Variants in CHRM3 observed in about 807,000 individuals in gnomAD.
The protein encoded by CHRM3 is cholinergic receptor muscarinic 3, also known as muscarinic acetylcholine receptor M3.
CHRM3 carries 11 observed loss-of-function variants against 41.8 expected under a neutral mutation model. The observed-to-expected ratio is 0.26, with a 90% CI of 0.17 to 0.44. The LOEUF (loss-of-function observed/expected upper bound fraction) is 0.44. Among genes scored for constraint, CHRM3 ranks in the 20% least tolerant of loss-of-function variants. The pLI, the probability that CHRM3 is intolerant of heterozygous loss-of-function variation, is 1.00. For missense variants in CHRM3, 571 were observed against 745.4 expected, an observed-to-expected ratio of 0.77 and a Z score of 2.72; for synonymous variants, 297 against 301.4, an observed-to-expected ratio of 0.99 and a Z score of 0.15.
intron 6 of CHRM3, among the ~76,000 whole-genome samples, chr1:239,887,217 G>A (rs1471306237): frequency 6.6e-6 from 1 of 151,538 alleles, no homozygotes; most frequent in African/African-American, 2.4e-5. Flanking sequence ...TTTTTGGCGG[G>A]GGTATACAGA....
intron 3 of CHRM3, among the ~76,000 whole-genome samples, chr1:239,571,517 C>G (rs1342132421): frequency 2.0e-5 from 3 of 152,120 alleles, no homozygotes; most frequent in African/African-American, 7.2e-5. Flanking sequence ...TCCCTTATAC[C>G]TCTGGGACCC....
chr1:239,432,036 A>T (rs146256601), intron 1 of CHRM3, among the ~76,000 whole-genome samples: 1 of 152,142 alleles, frequency 6.6e-6, no homozygotes, highest in African/African-American at 2.4e-5. Context: ...CCATCTTCTC[A>T]TCCCGGAAGG....
intron 4 of CHRM3, among the ~76,000 whole-genome samples, chr1:239,659,537 A>T (rs1202336194): frequency 6.6e-6 from 1 of 152,228 alleles, no homozygotes; most frequent in African/African-American, 2.4e-5. Flanking sequence ...CTGTCCAAGT[A>T]GCCACCAAGT....
intron 5 of CHRM3, among the ~76,000 whole-genome samples, chr1:239,763,279 A>G (rs1465092853): frequency 6.6e-6 from 1 of 152,222 alleles, no homozygotes; most frequent in African/African-American, 2.4e-5. Flanking sequence ...ATTAACATTC[A>G]CTAGATTTTC....
chr1:239,676,061 C>A, intron 4 of CHRM3, among the ~76,000 whole-genome samples: 1 of 152,124 alleles, frequency 6.6e-6, no homozygotes, highest in East Asian at 1.9e-4. Context: ...GCCCACTATC[C>A]CTGTTTTCGC....
At chr1:239,763,804 C>G (rs529208617) in intron 5 of CHRM3, among the ~76,000 whole-genome samples, 1 of 151,392 alleles carries the variant, frequency 6.6e-6, no homozygotes, top group South Asian at 2.1e-4. Context: ...TCATTAAGTC[C>G]TTGGGGGCTG....
At chr1:239,810,138 T>C (rs180925850) in intron 5 of CHRM3, among the ~76,000 whole-genome samples, 18 of 152,306 alleles carry the variant, frequency 1.2e-4, no homozygotes, top group Admixed American at 1.2e-3. Flanking sequence ...ATCTGTGTGT[T>C]GCAGCTGCCA....
intron 3 of CHRM3, among the ~76,000 whole-genome samples, chr1:239,592,410 GA>G (rs1454173616): frequency 6.6e-6 from 1 of 152,024 alleles, no homozygotes; most frequent in African/African-American, 2.4e-5. Context: ...CCCTAAAAAA[GA>G]AAACACATGC....
intron 4 of CHRM3, among the ~76,000 whole-genome samples, chr1:239,658,555 A>C (rs1672915699): frequency 6.6e-6 from 1 of 152,198 alleles, no homozygotes; most frequent in Admixed American, 6.5e-5. Context: ...TGCAGACTTT[A>C]CATCTTGATT....
intron 6 of CHRM3, among the ~76,000 whole-genome samples, chr1:239,891,799 G>T (rs1558215121): frequency 6.6e-6 from 1 of 152,144 alleles, no homozygotes; most frequent in African/African-American, 2.4e-5. Context: ...ATGGCAGATG[G>T]TCTCTTATCA....
intron 5 of CHRM3, among the ~76,000 whole-genome samples, chr1:239,696,299 A>C (rs943979806): frequency 1.3e-5 from 2 of 152,074 alleles, no homozygotes; most frequent in African/African-American, 4.8e-5. Flanking sequence ...ATCTTTTGTA[A>C]ACTATCATGT....
intron 1 of CHRM3, among the ~76,000 whole-genome samples, chr1:239,434,937 C>T (rs6699693): frequency 0.05 from 7,637 of 152,200 alleles, 610 homozygotes; most frequent in African/African-American, 0.17. Flanking sequence ...TCCTCGAGAT[C>T]GCTTCCCGAG....
At chr1:239,886,149 G>A (rs567915111) in intron 6 of CHRM3, 1 of 152,180 alleles carries the variant, frequency 6.6e-6, no homozygotes, top group Non-Finnish European at 1.5e-5. Context: ...GAATGAATCC[G>A]GATGGTTGTT....
At chr1:239,812,655 A>G (rs921176955) in intron 5 of CHRM3, among the ~76,000 whole-genome samples, 1 of 152,216 alleles carries the variant, frequency 6.6e-6, no homozygotes, top group Non-Finnish European at 1.5e-5. Flanking sequence ...ATTTTCAAAC[A>G]TATGCTTCTA....
In CHRM3 at chr1:239,908,371, A is replaced by G; in HGVS notation, c.920A>G (p.Lys307Arg). ...AGCATGAAACGCTCCAACAGGAGGAAGTATGGCCGCTGCCACTTCTGGTTC... is the reference window on the plus strand; with the variant it reads ...AGCATGAAACGCTCCAACAGGAGGAGGTATGGCCGCTGCCACTTCTGGTTC... ...QQSMKRSNRR[K>R]YGRCHFWFTT... The change falls in exon 7 of 7, where the codon AAG (lysine) becomes AGG (arginine). Residue 307 changes from lysine (K) to arginine (R), a missense_variant. Physicochemically the swap from Lys to Arg is conservative, Grantham distance 26. Coordinates refer to ENST00000676153, the MANE Select transcript of CHRM3 (RefSeq NM_001375978.1). This position sits in a 1 kb window ranked among gnomAD's most constrained non-coding sequence, Gnocchi z 7.2. 2 of 1,614,072 alleles carry G rather than the reference A, an allele frequency of 1.2e-6. No individual in the cohort carries two copies. The highest frequency in any genetic ancestry group is 1.3e-5 in the African/African-American group (1 of 75,050).
intron 5 of CHRM3, among the ~76,000 whole-genome samples, chr1:239,739,504 A>G (rs1664661909): frequency 6.6e-6 from 1 of 152,144 alleles, no homozygotes. Context: ...TGCGTAGAAT[A>G]TTTTAGAGTC....
At chr1:239,508,344 A>G (rs1358975126) in intron 2 of CHRM3, among the ~76,000 whole-genome samples, 1 of 152,180 alleles carries the variant, frequency 6.6e-6, no homozygotes, top group African/African-American at 2.4e-5. Flanking sequence ...TGAATGTCAG[A>G]AGTTCTCATT....
At chr1:239,389,398 T>C (rs1658822636) in intron 1 of CHRM3, among the ~76,000 whole-genome samples, 3 of 152,218 alleles carry the variant, frequency 2.0e-5, no homozygotes, top group South Asian at 4.1e-4. Flanking sequence ...AAAAGTATTA[T>C]TTACTTCTGA....
chr1:239,810,396 C>T (rs1330694904), intron 5 of CHRM3, among the ~76,000 whole-genome samples: 1 of 152,138 alleles, frequency 6.6e-6, no homozygotes, highest in Non-Finnish European at 1.5e-5. Context: ...GGGGACCACG[C>T]TGCTTGTCTT....
Sources: allele counts gnomAD v4.1 joint callset (sites outside exome capture counted in the v4.1 genomes callset), GRCh38; gene constraint gnomAD v4.1.1; non-coding constraint Gnocchi (gnomAD v3.1); transcripts MANE v1.5; gene names NCBI Gene and HGNC (gene_info 2026-07-23, HGNC 2026-07-21).